LONRF1: variants seen among roughly 807,000 people sequenced by gnomAD.
LONRF1 encodes LON peptidase N-terminal domain and ring finger 1.
Under a neutral mutation model 85.8 loss-of-function variants are expected in LONRF1, and 37 were observed. That is an observed-to-expected ratio of 0.43 (90% confidence interval 0.33 to 0.57). The LOEUF is 0.57. Among genes scored for constraint, LONRF1 ranks in the 20% least tolerant of loss-of-function variants. LONRF1 has a pLI of 0.04. For synonymous variants in LONRF1, 517 were observed against 390.1 expected, an observed-to-expected ratio of 1.33 and a Z score of -3.83; for missense variants, 1,036 against 978.0, an observed-to-expected ratio of 1.06 and a Z score of -0.79.
intron 1 of LONRF1, among the ~76,000 whole-genome samples, chr8:12,745,495 A>G (rs768234835): frequency 6.6e-6 from 1 of 152,182 alleles, no homozygotes; most frequent in East Asian, 1.9e-4. Context: ...AACTTTCAAG[A>G]AAGACAACAA....
intron 1 of LONRF1, among the ~76,000 whole-genome samples, chr8:12,749,198 G>C (rs938425541): frequency 6.6e-6 from 1 of 152,092 alleles, no homozygotes; most frequent in Non-Finnish European, 1.5e-5. Flanking sequence ...ATTAACCCTT[G>C]ATACAAGATA....
At chr8:12,725,955 G>A in intron 10 of LONRF1, 76 bp from the exon 11 acceptor site, 1 of 1,383,990 alleles carries the variant, frequency 7.2e-7, no homozygotes, top group Admixed American at 1.9e-5. Context: ...GACACAAATG[G>A]AAAAAGGGAT....
At chr8:12,744,768 T>G (rs1039524198) in intron 1 of LONRF1, among the ~76,000 whole-genome samples, 3 of 152,194 alleles carry the variant, frequency 2.0e-5, no homozygotes, top group Admixed American at 1.3e-4. Flanking sequence ...AGTGCAGTTT[T>G]CCACCCACAG....
rs759970359 is a variant in LONRF1, at chr8:12,754,243, C to G, written c.721+457G>C. On this transcript the variant is annotated intron_variant, in intron 1 of 11. Coordinates refer to ENST00000398246, the MANE Select transcript of LONRF1 (RefSeq NM_152271.5). ...GCCGCCTGCCCGGCCTAGTTGCCCT[C>G]GCGGGGGATTCTCTCCCCGCCCCGG... 338 of 154,400 alleles carry G rather than the reference C, an allele frequency of 2.2e-3. 1 individual carries two copies. The highest frequency in any genetic ancestry group is 4.1e-3 in the Non-Finnish European group (286 of 69,534). 9.6% of individuals were successfully genotyped at this position (154,400 alleles called of 1,614,324 possible). A position where few individuals can be genotyped will look rare whatever the true frequency, so the allele number is the denominator to read the frequency against.
intron 6 of LONRF1, 137 bp from the exon 7 acceptor site, chr8:12,735,537 G>A (rs1175451099): frequency 3.3e-6 from 2 of 606,164 alleles, no homozygotes; most frequent in Admixed American, 2.8e-5. Context: ...AGGAGAGAAA[G>A]GGCAGTGATA....
chr8:12,742,046 T>C (rs1490470201), intron 2 of LONRF1, among the ~76,000 whole-genome samples: 1 of 152,220 alleles, frequency 6.6e-6, no homozygotes, highest in Middle Eastern at 3.2e-3. Flanking sequence ...CCAAACAGTT[T>C]TTTAGCTACC....
At chr8:12,744,801 C>T (rs1221587709) in intron 1 of LONRF1, among the ~76,000 whole-genome samples, 1 of 152,190 alleles carries the variant, frequency 6.6e-6, no homozygotes, top group Non-Finnish European at 1.5e-5. Context: ...CAATAGCATC[C>T]TTGAGACAGA....
intron 7 of LONRF1, 149 bp downstream of exon 7, chr8:12,735,137 A>G: frequency 1.7e-6 from 1 of 584,664 alleles, no homozygotes; most frequent in Non-Finnish European, 3.0e-6. Flanking sequence ...CAACATTAGC[A>G]TATGGGTAAT....
intron 11 of LONRF1, 118 bp downstream of exon 11, chr8:12,725,609 G>A (rs1798266738): frequency 4.2e-6 from 4 of 949,702 alleles, no homozygotes; most frequent in Non-Finnish European, 4.8e-6. Flanking sequence ...CTGGTGCGGG[G>A]GAGGGGACAG....
rs981389290 is a variant in LONRF1, at chr8:12,735,407, T to G, written c.1452-7A>C. Reference sequence around the variant, plus strand: ...TACTGGCTCAAAAAACAACCTGAAATCAACCAAGATACATGTTAGTTTTCA... The same window carrying G: ...TACTGGCTCAAAAAACAACCTGAAAGCAACCAAGATACATGTTAGTTTTCA... On this transcript the variant is annotated splice_polypyrimidine_tract_variant and splice_region_variant and intron_variant, in intron 6 of 11. Transcript: ENST00000398246. 6 of 1,548,608 alleles carry G rather than the reference T, an allele frequency of 3.9e-6. No individual in the cohort carries two copies. Among genetic ancestry groups the G allele is most frequent in the Non-Finnish European group, 4.4e-6 (5 of 1,127,234 alleles).
chr8:12,721,947 G>T lies in LONRF1; in HGVS notation c.*1149C>A, dbSNP rs1805896207. 6.6e-6 allele frequency: 1 copy of T among 152,306 alleles called. No homozygotes were observed. The highest frequency in any genetic ancestry group is 1.5e-5 in the Non-Finnish European group (1 of 67,976). 9.4% of individuals were successfully genotyped at this position (152,306 alleles called of 1,614,324 possible). On this transcript the variant is annotated 3_prime_UTR_variant, in exon 12 of 12. Coordinates refer to ENST00000398246, the MANE Select transcript of LONRF1 (RefSeq NM_152271.5). ...TTTATTCAAAATTAAATAAGCAAAA[G>T]CAAAAATTTTAAGAAACTTTTACAA...
rs542812301 is a variant in LONRF1, at chr8:12,754,681, C to G, written c.721+19G>C. On this transcript the variant is annotated intron_variant, in intron 1 of 11. Transcript: ENST00000398246. Reference sequence around the variant, plus strand: ...GAGGGTGCGGTCGGCCCGGCCCCGCCGCATCCCCGCGCGGTCACCTGCTCG... The same window carrying G: ...GAGGGTGCGGTCGGCCCGGCCCCGCGGCATCCCCGCGCGGTCACCTGCTCG... 3.0e-6 allele frequency: 4 copies of G among 1,330,248 alleles called. No individual in the cohort carries two copies. Among genetic ancestry groups the G allele is most frequent in the Middle Eastern group, 2.8e-4 (1 of 3,540 alleles). The allele number at this position is 1,330,248 out of a possible 1,614,324, so 82.4% of individuals were successfully genotyped here. A position where few individuals can be genotyped will look rare whatever the true frequency, so the allele number is the denominator to read the frequency against.
At chr8:12,749,047 A>G (rs921180565) in intron 1 of LONRF1, among the ~76,000 whole-genome samples, 1 of 152,208 alleles carries the variant, frequency 6.6e-6, no homozygotes, top group Admixed American at 6.5e-5. Context: ...TAAAACACCT[A>G]CATTTTATAA....
At chr8:12,754,670 C>G in intron 1 of LONRF1, 30 bp downstream of exon 1, 1 of 1,319,500 alleles carries the variant, frequency 7.6e-7, no homozygotes, top group Non-Finnish European at 9.6e-7. Flanking sequence ...GTGCGGTCGG[C>G]CCGGCCCCGC....
At chr8:12,733,519 G>A (rs6530958) in intron 7 of LONRF1, among the ~76,000 whole-genome samples, 133,920 of 152,126 alleles carry the variant, frequency 0.88, 59,988 homozygotes, top group Non-Finnish European at 0.96. Flanking sequence ...TTTCTTTCAA[G>A]TTTTTCTTCC....
chr8:12,732,637 T>C (rs1239285338), intron 7 of LONRF1, among the ~76,000 whole-genome samples: 6 of 152,208 alleles, frequency 3.9e-5, no homozygotes, highest in Non-Finnish European at 8.8e-5. Context: ...TGACTCCAAT[T>C]TTACCTTTTT....
At chr8:12,749,231 T>A (rs982193535) in intron 1 of LONRF1, among the ~76,000 whole-genome samples, 2 of 152,156 alleles carry the variant, frequency 1.3e-5, no homozygotes, top group African/African-American at 4.8e-5. Context: ...TTCTACCTTG[T>A]CTTTTACCCA....
Position 12,755,293 on chromosome 8 carries a change from G to T in LONRF1, c.128C>A (p.Ala43Glu). The T allele has an allele frequency of 8.0e-7, 1 of 1,247,346 alleles. No homozygotes were observed. The allele number at this position is 1,247,346 out of a possible 1,614,324, so 77.3% of individuals were successfully genotyped here. A position where few individuals can be genotyped will look rare whatever the true frequency, so the allele number is the denominator to read the frequency against. The change falls in exon 1 of 12, where the codon GCG (alanine) becomes GAG (glutamate). Residue 43 changes from alanine to glutamate, a missense_variant. Transcript: ENST00000398246. ...GSGHRLERAAAESERWELLLR... is the reference protein window; with the variant it reads ...GSGHRLERAAEESERWELLLR... ...CAGCAGCTCCCAGCGCTCCGACTCC[G>T]CGGCCGCGCGCTCCAGCCGATGGCC... is the stretch of plus-strand genomic sequence containing the variant.
chr8:12,751,300 T>TTTTTTTTTTTGTTTTG (rs1554469352), intron 1 of LONRF1, among the ~76,000 whole-genome samples: 1 of 83,784 alleles, frequency 1.2e-5, no homozygotes, highest in South Asian at 5.3e-4. Flanking sequence ...TTTTATGTTT[T>TTTTTTTTTTTGTTTTG]TTTTTTTTTT....
Sources: allele counts gnomAD v4.1 joint callset (sites outside exome capture counted in the v4.1 genomes callset), GRCh38; gene constraint gnomAD v4.1.1; transcripts MANE v1.5; gene names NCBI Gene and HGNC (gene_info 2026-07-23, HGNC 2026-07-21).